PDZD2: variants seen among roughly 807,000 people sequenced by gnomAD.
PDZD2 encodes the protein PDZ domain containing 2, also known as PDZ domain-containing protein 2.
Under a neutral mutation model 220.7 loss-of-function variants are expected in PDZD2, and 90 were observed. The observed-to-expected ratio is 0.41, with a 90% CI of 0.34 to 0.49. The LOEUF is 0.49. PDZD2 is among the 20% of genes least tolerant of loss of function. The pLI, the probability that PDZD2 is intolerant of heterozygous loss-of-function variation, is 0.28. For synonymous variants in PDZD2, 1,375 were observed against 1,450.5 expected (o/e 0.95, Z 1.18); for missense variants, 3,174 against 3,608.5 (o/e 0.88, Z 3.08).
chr5:31,940,507 A>T (rs554686190), intron 2 of PDZD2, among the ~76,000 whole-genome samples: 29 of 152,218 alleles, frequency 1.9e-4, no homozygotes, highest in African/African-American at 7.0e-4. Flanking sequence ...AATCAACCCA[A>T]CTATATTTTA....
intron 2 of PDZD2, among the ~76,000 whole-genome samples, chr5:31,970,592 G>A (rs1294825573): frequency 6.6e-6 from 1 of 151,902 alleles, no homozygotes; most frequent in Non-Finnish European, 1.5e-5. Context: ...GGAGGTGGAA[G>A]ATGCAGTGAG....
intron 3 of PDZD2, among the ~76,000 whole-genome samples, chr5:31,989,436 T>TTTTTATTTATTTATTTA (rs1751032848): frequency 6.7e-6 from 1 of 149,386 alleles, no homozygotes; most frequent in Non-Finnish European, 1.5e-5. Context: ...TTTTTTTTTT[T>TTTTTATTTATTTATTTA]TTTTGAGACG....
intron 8 of PDZD2, among the ~76,000 whole-genome samples, chr5:32,051,329 C>T (rs551352150): frequency 5.8e-4 from 89 of 152,248 alleles, no homozygotes; most frequent in African/African-American, 2.1e-3. Context: ...GGGAGGCCAA[C>T]ATTGTTGGCA....
chr5:32,000,165 A>T lies in PDZD2; in HGVS notation c.1148A>T (p.Glu383Val). 3 of 1,613,960 alleles carry T rather than the reference A, an allele frequency of 1.9e-6. No individual in the cohort carries two copies. The East Asian group carries it at 6.7e-5, about 36-fold the overall frequency. Residue 383 changes from glutamate (E) to valine (V), a missense_variant, in exon 5 of 25, where the codon GAG (glutamate) becomes GTG (valine). Glu to Val is a moderately radical substitution (Grantham distance 121). This residue lies in a region of PDZD2 where 632 missense variants were observed against 708.1 expected (regional missense o/e 0.89). Transcript: ENST00000438447. The surrounding 1 kb of genome is among the most constrained non-coding windows in gnomAD (Gnocchi z 4.5). ...GATGGCAGGCTGTCCTTAGGAGATG[A>T]GCTGCTGGTAATCAATGGTCATTTA... ...HRDGRLSLGD[E>V]LLVINGHLLV...
intron 2 of PDZD2, among the ~76,000 whole-genome samples, chr5:31,943,167 C>T (rs1007500743): frequency 1.6e-4 from 24 of 150,864 alleles, no homozygotes; most frequent in Admixed American, 7.3e-4. Flanking sequence ...TGTGCCACTG[C>T]ACTCCAGCCT....
chr5:31,696,830 G>T (rs1257574945), intron 1 of PDZD2, among the ~76,000 whole-genome samples: 1 of 152,146 alleles, frequency 6.6e-6, no homozygotes, highest in East Asian at 1.9e-4. Flanking sequence ...ACAGCTTTAG[G>T]TACGCTGAAT....
chr5:32,030,914 G>A (rs1470509722), intron 6 of PDZD2, among the ~76,000 whole-genome samples: 1 of 152,058 alleles, frequency 6.6e-6, no homozygotes, highest in Non-Finnish European at 1.5e-5. Flanking sequence ...ACCGATAACT[G>A]TGTTCTGTTA....
At chr5:31,905,721 A>G (rs1742583812) in intron 2 of PDZD2, among the ~76,000 whole-genome samples, 1 of 152,170 alleles carries the variant, frequency 6.6e-6, no homozygotes, top group African/African-American at 2.4e-5. Flanking sequence ...GAGGATATGG[A>G]TTTCTGTCAA....
At chr5:32,024,682 C>T (rs1978457) in intron 6 of PDZD2, among the ~76,000 whole-genome samples, 1 of 33,522 alleles carries the variant, frequency 3.0e-5, no homozygotes, top group Non-Finnish European at 9.2e-5. Flanking sequence ...GACTTCATCT[C>T]AAAAAAAAAA....
At chr5:31,667,028 A>C (rs1286630216) in intron 1 of PDZD2, among the ~76,000 whole-genome samples, 1 of 152,004 alleles carries the variant, frequency 6.6e-6, no homozygotes, top group Non-Finnish European at 1.5e-5. Context: ...CGAGGTCAGG[A>C]GATCGAGACC....
intron 1 of PDZD2, among the ~76,000 whole-genome samples, chr5:31,735,448 C>T (rs1015789966): frequency 2.0e-5 from 3 of 152,190 alleles, no homozygotes; most frequent in African/African-American, 7.2e-5. Flanking sequence ...TCTGGTAAAG[C>T]TAACCAAGAA....
At chr5:31,812,565 A>G (rs993298691) in intron 2 of PDZD2, among the ~76,000 whole-genome samples, 6 of 152,110 alleles carry the variant, frequency 3.9e-5, no homozygotes, top group Admixed American at 3.3e-4. Flanking sequence ...CAGCCTCTCA[A>G]GTAGCTGAGA....
intron 6 of PDZD2, among the ~76,000 whole-genome samples, chr5:32,013,547 A>C (rs1753496594): frequency 6.6e-6 from 1 of 152,118 alleles, no homozygotes; most frequent in Admixed American, 6.6e-5. Flanking sequence ...ATTTTGTCAT[A>C]ACACACTAGA....
intron 2 of PDZD2, among the ~76,000 whole-genome samples, chr5:31,831,236 CA>C (rs1168402354): frequency 1.3e-5 from 2 of 152,150 alleles, no homozygotes; most frequent in East Asian, 3.9e-4. Flanking sequence ...GTAATCCCAG[CA>C]CTTTGGGAGG....
intron 1 of PDZD2, among the ~76,000 whole-genome samples, chr5:31,662,808 T>C (rs62349082): frequency 0.12 from 17,924 of 152,220 alleles, 1,364 homozygotes; most frequent in African/African-American, 0.21. Flanking sequence ...TTTTTTGCAT[T>C]TTTAGTAGAG....
At chr5:31,685,915 A>G (rs1436190062) in intron 1 of PDZD2, among the ~76,000 whole-genome samples, 1 of 152,032 alleles carries the variant, frequency 6.6e-6, no homozygotes, top group African/African-American at 2.4e-5. Context: ...AAAAATAGCC[A>G]TAAGGTCAGG....
intron 10 of PDZD2, 60 bp from the exon 11 acceptor site, chr5:32,057,595 C>G: frequency 2.1e-6 from 2 of 940,760 alleles, no homozygotes; most frequent in Non-Finnish European, 3.4e-6. Flanking sequence ...TCTGACTGAG[C>G]AGTTAAATTC....
chr5:31,727,012 C>T (rs568162945), intron 1 of PDZD2, among the ~76,000 whole-genome samples: 3 of 152,062 alleles, frequency 2.0e-5, no homozygotes, highest in East Asian at 3.9e-4. Context: ...CAGGAGCATG[C>T]GAGAGAGAGA....
chr5:31,902,276 C>A (rs1742169030), intron 2 of PDZD2, among the ~76,000 whole-genome samples: 1 of 152,038 alleles, frequency 6.6e-6, no homozygotes, highest in African/African-American at 2.4e-5. Flanking sequence ...AAATTATAGC[C>A]AATCTAGTGT....
Sources: allele counts gnomAD v4.1 joint callset (sites outside exome capture counted in the v4.1 genomes callset), GRCh38; gene constraint gnomAD v4.1.1; regional missense constraint gnomAD v4.1.1; non-coding constraint Gnocchi (gnomAD v3.1); transcripts MANE v1.5; gene names NCBI Gene and HGNC (gene_info 2026-07-23, HGNC 2026-07-21).